PGM5: variants seen among roughly 807,000 people sequenced by gnomAD.
The protein encoded by PGM5 is phosphoglucomutase-like protein 5.
In PGM5, 23 loss-of-function variants were observed where a neutral mutation model predicts 59.2. The ratio of observed to expected loss-of-function variants is 0.39; its 90% CI spans 0.28 to 0.55. The LOEUF is 0.55. Ranked by LOEUF, PGM5 falls within the 20% of genes least tolerant of loss-of-function variation. The pLI is 0.66. For missense variants in PGM5, 574 were observed against 748.3 expected (o/e 0.77, Z 2.72); for synonymous variants, 214 against 286.0 (o/e 0.75, Z 2.54).
chr9:68,362,865 CTTTTTTTTTTTTT>C lies in PGM5; in HGVS notation c.261+5486_261+5498del, dbSNP rs1163826772. ...AAGATGTTTCTGACTTTTTCTTTTT[CTTTTTTTTTTTTT>C]TTTTTTTTGAGATGGAGTCTTGCTC... On this transcript the variant is annotated intron_variant, in intron 1 of 10. Transcript: ENST00000396396. 4.1e-5 allele frequency among the ~76,000 whole-genome samples: 4 copies of C among 96,782 alleles called. No individual in the cohort carries two copies. In the Admixed American group the frequency reaches 4.9e-4, roughly 12 times the overall value. The allele number at this position is 96,782 out of a possible 152,430, so 63.5% of individuals were successfully genotyped here.
intron 4 of PGM5, among the ~76,000 whole-genome samples, chr9:68,389,529 C>T (rs1288435691): frequency 1.3e-5 from 2 of 152,118 alleles, no homozygotes; most frequent in African/African-American, 4.8e-5. Context: ...TTCTTTCACT[C>T]AGCATAATAA....
At chr9:68,438,136 A>C (rs1823468552) in intron 6 of PGM5, among the ~76,000 whole-genome samples, 1 of 151,796 alleles carries the variant, frequency 6.6e-6, no homozygotes, top group South Asian at 2.1e-4. Context: ...AAAAACACAA[A>C]AAATTAGCTG....
chr9:68,455,676 T>G (rs1439145562), intron 6 of PGM5, among the ~76,000 whole-genome samples: 4 of 151,978 alleles, frequency 2.6e-5, no homozygotes, highest in African/African-American at 9.7e-5. Context: ...TCTTCCAAGT[T>G]CCTCCACAGC....
At chr9:68,459,354 C>A (rs1823824399) in intron 6 of PGM5, among the ~76,000 whole-genome samples, 1 of 152,190 alleles carries the variant, frequency 6.6e-6, no homozygotes, top group South Asian at 2.1e-4. Context: ...CCATTCTGAT[C>A]ATTTATTCTC....
intron 6 of PGM5, among the ~76,000 whole-genome samples, chr9:68,401,397 T>A (rs1409374430): frequency 6.6e-6 from 1 of 152,098 alleles, no homozygotes; most frequent in African/African-American, 2.4e-5. Flanking sequence ...TTGTGAGGAC[T>A]CTTTGATACT....
intron 6 of PGM5, among the ~76,000 whole-genome samples, chr9:68,464,239 C>T (rs1416844013): frequency 2.6e-5 from 4 of 152,150 alleles, no homozygotes; most frequent in Non-Finnish European, 5.9e-5. Flanking sequence ...GGAAGCAGCT[C>T]TAAGAGATAT....
chr9:68,522,119 G>T (rs560099907), intron 10 of PGM5, among the ~76,000 whole-genome samples: 23 of 152,206 alleles, frequency 1.5e-4, no homozygotes, highest in Non-Finnish European at 5.9e-5. Flanking sequence ...GGTGGGTGTG[G>T]TGGTGTGCAC....
chr9:68,522,249 A>G (rs962366445), intron 10 of PGM5, among the ~76,000 whole-genome samples: 7 of 152,198 alleles, frequency 4.6e-5, no homozygotes, highest in Admixed American at 2.6e-4. Flanking sequence ...AGTCTCTTGT[A>G]AAAAGAAGCT....
chr9:68,447,205 C>G (rs76235143), intron 6 of PGM5, among the ~76,000 whole-genome samples: 1,910 of 152,276 alleles, frequency 0.013, 29 homozygotes, highest in African/African-American at 0.045. Context: ...CAAATGCAGC[C>G]GACCTCTTAG....
At chr9:68,426,721 C>T (rs1425253966) in intron 6 of PGM5, 2 of 151,768 alleles carry the variant, frequency 1.3e-5, no homozygotes, top group Non-Finnish European at 2.9e-5. Context: ...GAGCTTTTCA[C>T]TTCATCCAAA....
At chr9:68,506,671 T>C (rs1824662365) in intron 10 of PGM5, among the ~76,000 whole-genome samples, 1 of 152,106 alleles carries the variant, frequency 6.6e-6, no homozygotes, top group African/African-American at 2.4e-5. Context: ...AGTCAAAAAC[T>C]TGGAGAATAA....
intron 9 of PGM5, among the ~76,000 whole-genome samples, chr9:68,489,969 A>G (rs1824363174): frequency 6.6e-6 from 1 of 152,238 alleles, no homozygotes; most frequent in Non-Finnish European, 1.5e-5. Context: ...ACCTGGAAAA[A>G]AAGAACCGTT....
Position 68,506,290 on chromosome 9 carries a change from A to G in PGM5, c.1614+6929A>G, listed in dbSNP as rs185001160. ...CACTTTTTCAAAATATGTTCAAATA[A>G]GGCAAAAACTGAGCTGTAACCAATC... On this transcript the variant is annotated intron_variant, in intron 10 of 10. Transcript: ENST00000396396. Among the ~76,000 whole-genome samples, 499 of 152,334 alleles carry G rather than the reference A, an allele frequency of 3.3e-3. 1 individual carries two copies. The highest frequency in any genetic ancestry group is 0.01 in the Middle Eastern group (3 of 294).
Position 68,482,118 on chromosome 9 carries a change from G to A in PGM5, c.1296-1747G>A, listed in dbSNP as rs557470838. Among the ~76,000 whole-genome samples the A allele has an allele frequency of 6.6e-5, 10 of 152,286 alleles. No individual in the cohort carries two copies. The South Asian group carries it at 2.1e-3, about 32-fold the overall frequency. On this transcript the variant is annotated intron_variant, in intron 8 of 10. Coordinates refer to ENST00000396396, the MANE Select transcript of PGM5 (RefSeq NM_021965.4). ...GACGGGGATTTGGGGGTGGAAGGCA[G>A]TGCTAGATCCTGCTTGTATATGAAG...
At chr9:68,360,394 T>C (rs1273315068) in intron 1 of PGM5, among the ~76,000 whole-genome samples, 3 of 151,036 alleles carry the variant, frequency 2.0e-5, no homozygotes, top group Non-Finnish European at 4.4e-5. Flanking sequence ...TTTTTAAAAA[T>C]TTATTTTGGG....
chr9:68,368,056 T>C (rs1479247663), intron 1 of PGM5, among the ~76,000 whole-genome samples: 2 of 152,186 alleles, frequency 1.3e-5, no homozygotes, highest in Non-Finnish European at 2.9e-5. Context: ...CAGTGCCAGA[T>C]GGAAAGTATT....
intron 10 of PGM5, among the ~76,000 whole-genome samples, chr9:68,510,153 T>C (rs1030949641): frequency 2.1e-5 from 3 of 141,744 alleles, no homozygotes; most frequent in African/African-American, 8.0e-5. Context: ...AGCATTTTTT[T>C]TTTTTTTTTT....
At chr9:68,480,202 T>C (rs535501401) in intron 8 of PGM5, among the ~76,000 whole-genome samples, 1 of 152,302 alleles carries the variant, frequency 6.6e-6, no homozygotes, top group South Asian at 2.1e-4. Context: ...CAGAGGCATT[T>C]CTTGTTGGTT....
intron 9 of PGM5, chr9:68,496,833 G>T (rs567155590): frequency 6.6e-6 from 1 of 152,260 alleles, no homozygotes; most frequent in East Asian, 1.9e-4. Context: ...TACTTCAAAG[G>T]GTTGAGTCTG....
Sources: gnomAD v4.1 joint callset for allele counts (sites outside exome capture counted in the v4.1 genomes callset) on GRCh38, gnomAD v4.1.1 for gene constraint, MANE v1.5 for transcripts, NCBI Gene and HGNC (gene_info 2026-07-23, HGNC 2026-07-21) for gene names.